Variants in GLI2 observed in about 807,000 individuals in gnomAD.
GLI2 encodes transcription activator GLI2.
In GLI2, 22 loss-of-function variants were observed where a neutral mutation model predicts 78.9. The observed-to-expected ratio is 0.28, with a 90% CI of 0.20 to 0.40. GLI2 has a LOEUF of 0.40. Among genes scored for constraint, GLI2 ranks in the 10% least tolerant of loss-of-function variants. The pLI is 1.00. For synonymous variants in GLI2, 974 were observed against 963.7 expected, an observed-to-expected ratio of 1.01 and a Z score of -0.20; for missense variants, 2,097 against 2,213.2, an observed-to-expected ratio of 0.95 and a Z score of 1.05.
intron 2 of GLI2, among the ~76,000 whole-genome samples, chr2:120,874,737 G>T (rs929692871): frequency 8.5e-5 from 13 of 152,234 alleles, no homozygotes; most frequent in African/African-American, 2.4e-4. Context: ...GCAGCATGCT[G>T]ACTAGTTTGT....
Position 120,951,640 on chromosome 2 carries a change from C to T in GLI2, c.457+195C>T, listed in dbSNP as rs1055543936. The T allele has an allele frequency of 2.0e-5, 11 of 562,636 alleles. No homozygotes were observed. The African/African-American group carries it at 2.1e-4, about 11-fold the overall frequency. 34.9% of individuals were successfully genotyped at this position (562,636 alleles called of 1,614,324 possible). On this transcript the variant is annotated intron_variant, in intron 4 of 13. Transcript: ENST00000361492. ...TGCTCATTAAAGAGCCTTTGGTAAGCACTCTTTTGCATGCAAACCATATAT... is the reference window on the plus strand; with the variant it reads ...TGCTCATTAAAGAGCCTTTGGTAAGTACTCTTTTGCATGCAAACCATATAT...
intron 2 of GLI2, among the ~76,000 whole-genome samples, chr2:120,920,245 G>A (rs1273829103): frequency 6.6e-6 from 1 of 152,254 alleles, no homozygotes; most frequent in Non-Finnish European, 1.5e-5. Context: ...CGTGGAACAG[G>A]CCCTCAGGCT....
At chr2:120,825,305 A>G (rs1685995091) in intron 2 of GLI2, among the ~76,000 whole-genome samples, 1 of 152,214 alleles carries the variant, frequency 6.6e-6, no homozygotes, top group Non-Finnish European at 1.5e-5. Flanking sequence ...CTGTGCAGCC[A>G]CTCACTGCCC....
chr2:120,895,798 C>T (rs148859960), intron 2 of GLI2, among the ~76,000 whole-genome samples: 28 of 152,360 alleles, frequency 1.8e-4, no homozygotes, highest in African/African-American at 6.5e-4. Flanking sequence ...AGAGACACTT[C>T]GTCTGGTCAC....
At chr2:120,924,147 C>T (rs1279071351) in intron 2 of GLI2, among the ~76,000 whole-genome samples, 4 of 152,164 alleles carry the variant, frequency 2.6e-5, no homozygotes, top group Admixed American at 2.6e-4. Flanking sequence ...GGGGGATGGC[C>T]TGTGTGAAGA....
At chr2:120,972,667 TGTGCAA>T (rs1558927307) in intron 8 of GLI2, 1 of 518,868 alleles carries the variant, frequency 1.9e-6, no homozygotes, top group Non-Finnish European at 3.8e-6. Context: ...CACCAGGGTT[TGTGCAA>T]GTGTGCAGTC....
rs190130707 is a variant in GLI2, at chr2:120,914,461, C to T, written c.149-12900C>T. On this transcript the variant is annotated intron_variant, in intron 2 of 13. Transcript: ENST00000361492. ...CATTTTGCAGTGGGGAGGCTGCACA[C>T]TACTTTTTTAGAAACCTTCTGTGAC... Among the ~76,000 whole-genome samples the T allele has an allele frequency of 2.0e-5, 3 of 152,372 alleles. No individual in the cohort carries two copies. In the East Asian group the frequency reaches 5.8e-4, roughly 29 times the overall value.
intron 2 of GLI2, among the ~76,000 whole-genome samples, chr2:120,887,361 G>A (rs893211372): frequency 2.6e-5 from 4 of 152,244 alleles, no homozygotes; most frequent in African/African-American, 4.8e-5. Flanking sequence ...AATTCCAGCC[G>A]GAGCCTGGAG....
intron 2 of GLI2, among the ~76,000 whole-genome samples, chr2:120,868,039 C>T (rs1371144820): frequency 6.6e-6 from 1 of 152,190 alleles, no homozygotes; most frequent in Non-Finnish European, 1.5e-5. Context: ...CCTCCCGCAA[C>T]GGATGTACTC....
chr2:120,868,108 G>T (rs1688240463), intron 2 of GLI2, among the ~76,000 whole-genome samples: 1 of 152,322 alleles, frequency 6.6e-6, no homozygotes, highest in Non-Finnish European at 1.5e-5. Flanking sequence ...TTTCTTCTGA[G>T]ATCCGGCAAA....
intron 2 of GLI2, among the ~76,000 whole-genome samples, chr2:120,824,081 G>A (rs1213064463): frequency 2.6e-5 from 4 of 152,290 alleles, no homozygotes; most frequent in African/African-American, 7.2e-5. Flanking sequence ...AGATCTAAAC[G>A]TTCATATCTT....
Position 120,989,112 on chromosome 2 carries a change from G to C in GLI2, c.3147G>C (p.Val1049=), listed in dbSNP as rs1199038983. 1 of 1,612,846 alleles carries C rather than the reference G, an allele frequency of 6.2e-7. No homozygotes were observed. Among genetic ancestry groups the C allele is most frequent in the East Asian group, 2.2e-5 (1 of 44,868 alleles). The change falls in exon 14 of 14, where the codon GTG becomes GTC. Residue 1049 remains valine (V), a synonymous_variant. Transcript: ENST00000361492. ...ACGACCTGGTGCTTCCAGACGACGT[G>C]GTGCAGTACATCAAGGCGCACGCCA... ...PEDDLVLPDD[V]VQYIKAHASG... is the part of the protein sequence containing the mutation.
chr2:120,819,499 T>G (rs1198438768), intron 2 of GLI2, among the ~76,000 whole-genome samples: 1 of 152,118 alleles, frequency 6.6e-6, no homozygotes, highest in African/African-American at 2.4e-5. Context: ...CTCAGCCTCC[T>G]AAAGTGCTGG....
chr2:120,987,169 C>T (rs1272213998), intron 13 of GLI2, among the ~76,000 whole-genome samples: 1 of 152,184 alleles, frequency 6.6e-6, no homozygotes, highest in Non-Finnish European at 1.5e-5. Flanking sequence ...GAGGTGTTGG[C>T]CAGGCTCTGA....
intron 2 of GLI2, among the ~76,000 whole-genome samples, chr2:120,907,533 C>CA: frequency 6.6e-6 from 1 of 152,294 alleles, no homozygotes; most frequent in South Asian, 2.1e-4. Context: ...TTTTGCTTCT[C>CA]ACGTTATTCA....
In GLI2 at chr2:120,984,667, G is replaced by A. The variant is rs1682884143; in HGVS notation, c.1829G>A (p.Ser610Asn). The stretch of plus-strand genomic sequence containing the variant: ...GGCACGGAGCCTGGCGGCCCAGAGA[G>A]CACCGAGGCCAGCAGCACCAGCCAG... ...EAGTEPGGPE[S>N]TEASSTSQAV... The change falls in exon 12 of 14, where the codon AGC becomes AAC. Residue 610 changes from serine to asparagine, a missense_variant. This residue lies in a region of GLI2 where 57 missense variants were observed against 44.5 expected (regional missense o/e 1.28). Coordinates refer to ENST00000361492, the MANE Select transcript of GLI2 (RefSeq NM_001374353.1). 1 of 1,613,848 alleles carries A rather than the reference G, an allele frequency of 6.2e-7. No homozygotes were observed. The highest frequency in any genetic ancestry group is 8.5e-7 in the Non-Finnish European group (1 of 1,180,012).
intron 1 of GLI2, among the ~76,000 whole-genome samples, chr2:120,755,897 G>A: frequency 6.6e-6 from 1 of 152,116 alleles, no homozygotes; most frequent in East Asian, 1.9e-4. Context: ...ATATGTGTGG[G>A]CCTATTCTGG....
chr2:120,897,783 G>C (rs1049099135), intron 2 of GLI2, among the ~76,000 whole-genome samples: 5 of 152,162 alleles, frequency 3.3e-5, no homozygotes, highest in Non-Finnish European at 7.4e-5. Context: ...GGGTTTGACT[G>C]ATACTCATGC....
chr2:120,833,895 A>G (rs1205940657), intron 2 of GLI2, among the ~76,000 whole-genome samples: 1 of 152,206 alleles, frequency 6.6e-6, no homozygotes, highest in Non-Finnish European at 1.5e-5. Flanking sequence ...AAGTCATCTT[A>G]GTGCAGTTCT....
Sources: gnomAD v4.1 joint callset for allele counts (sites outside exome capture counted in the v4.1 genomes callset) on GRCh38, gnomAD v4.1.1 for gene constraint, gnomAD v4.1.1 regional missense constraint, MANE v1.5 for transcripts, NCBI Gene and HGNC (gene_info 2026-07-23, HGNC 2026-07-21) for gene names.